PREX2: variants seen among roughly 807,000 people sequenced by gnomAD.
The protein encoded by PREX2 is phosphatidylinositol-3,4,5-trisphosphate dependent Rac exchange factor 2, also known as phosphatidylinositol 3,4,5-trisphosphate-dependent Rac exchanger 2 protein.
In PREX2, 107 loss-of-function variants were observed where a neutral mutation model predicts 203.2. The ratio of observed to expected loss-of-function variants is 0.53; its 90% CI spans 0.45 to 0.62. The LOEUF is 0.62. Among genes scored for constraint, PREX2 ranks in the 20% least tolerant of loss-of-function variants. PREX2 has a pLI of 0.00. For synonymous variants in PREX2, 672 were observed against 663.6 expected, an observed-to-expected ratio of 1.01 and a Z score of -0.19; for missense variants, 1,777 against 1,955.9, an observed-to-expected ratio of 0.91 and a Z score of 1.72.
intron 14 of PREX2, among the ~76,000 whole-genome samples, chr8:68,074,167 G>A (rs534333597): frequency 6.6e-6 from 1 of 152,180 alleles, no homozygotes; most frequent in Admixed American, 6.5e-5. Flanking sequence ...GGGTTTCACT[G>A]TGTTGGCCAG....
intron 25 of PREX2, among the ~76,000 whole-genome samples, chr8:68,110,336 G>A (rs1810512126): frequency 6.6e-6 from 1 of 152,186 alleles, no homozygotes; most frequent in South Asian, 2.1e-4. Flanking sequence ...ACAGCATGGG[G>A]TTTGAGGTAG....
At chr8:68,013,290 C>T (rs1807318533) in intron 1 of PREX2, among the ~76,000 whole-genome samples, 1 of 152,154 alleles carries the variant, frequency 6.6e-6, no homozygotes, top group Non-Finnish European at 1.5e-5. Context: ...TGGGGCTGGT[C>T]ATTTTTTCTC....
intron 1 of PREX2, among the ~76,000 whole-genome samples, chr8:68,008,871 T>G (rs532175201): frequency 6.6e-6 from 1 of 152,326 alleles, no homozygotes; most frequent in Admixed American, 6.5e-5. Flanking sequence ...CCTCCCCAGC[T>G]GTGTGGAACT....
intron 35 of PREX2, among the ~76,000 whole-genome samples, chr8:68,180,644 C>T (rs1201545967): frequency 1.3e-5 from 2 of 152,040 alleles, no homozygotes; most frequent in Non-Finnish European, 2.9e-5. Flanking sequence ...TGAGCACCAA[C>T]AAGGTGCCAG....
Position 68,017,924 on chromosome 8 carries a change from A to G in PREX2, c.213+7A>G. The G allele has an allele frequency of 1.2e-6, 2 of 1,607,918 alleles. No homozygotes were observed. Among genetic ancestry groups the G allele is most frequent in the Non-Finnish European group, 1.7e-6 (2 of 1,175,998 alleles). On this transcript the variant is annotated splice_region_variant and intron_variant, in intron 2 of 39. Coordinates refer to ENST00000288368, the MANE Select transcript of PREX2 (RefSeq NM_024870.4). Reference sequence around the variant, plus strand: ...GACAGAAGAAACAGTGAAGGTGAGGAGGTACAACTGGCCTTCAACCTGAGC... The same window carrying G: ...GACAGAAGAAACAGTGAAGGTGAGGGGGTACAACTGGCCTTCAACCTGAGC...
At chr8:68,157,280 G>C in intron 34 of PREX2, 42 bp from the exon 35 acceptor site, 2 of 1,069,642 alleles carry the variant, frequency 1.9e-6, no homozygotes, top group Non-Finnish European at 1.4e-6. Flanking sequence ...GAGAAATTGA[G>C]TTATAAAGTT....
intron 15 of PREX2, among the ~76,000 whole-genome samples, chr8:68,079,395 T>C (rs1016471569): frequency 1.3e-5 from 2 of 152,216 alleles, no homozygotes; most frequent in Non-Finnish European, 2.9e-5. Flanking sequence ...CCAAGTTATT[T>C]ATATTTATTA....
In PREX2 at chr8:68,119,496, T is replaced by A. The variant is rs759361125; in HGVS notation, c.3486T>A (p.Leu1162=). 1.4e-5 allele frequency: 22 copies of A among 1,613,446 alleles called. No homozygotes were observed. In the Admixed American group the frequency reaches 2.2e-4, roughly 16 times the overall value. The change falls in exon 28 of 40, where the codon CTT becomes CTA. Residue 1162 remains leucine (L), a synonymous_variant. Transcript: ENST00000288368. ...HDKQDKIHSC[L]EHLFSQVDSI... ...AACAGGACAAGATACATAGTTGCCT[T>A]GAGCATCTTTTCAGCCAGGTACAAT...
chr8:68,223,884 C>G (rs541399363), intron 38 of PREX2, among the ~76,000 whole-genome samples: 1 of 152,052 alleles, frequency 6.6e-6, no homozygotes, highest in Admixed American at 6.5e-5. Context: ...TAATGATTCA[C>G]GTAAGAGAAA....
intron 1 of PREX2, among the ~76,000 whole-genome samples, chr8:68,000,559 A>T (rs759921396): frequency 2.0e-5 from 3 of 152,218 alleles, no homozygotes; most frequent in Non-Finnish European, 2.9e-5. Context: ...TTCCTTTTAA[A>T]CTACCAATGA....
intron 37 of PREX2, among the ~76,000 whole-genome samples, chr8:68,198,944 A>C (rs1055311852): frequency 6.6e-6 from 1 of 152,218 alleles, no homozygotes; most frequent in African/African-American, 2.4e-5. Flanking sequence ...CATGCTCTGA[A>C]TAGTGTGTGA....
At chr8:68,138,643 G>C (rs1004841059) in intron 33 of PREX2, 126 bp downstream of exon 33, 2 of 493,118 alleles carry the variant, frequency 4.1e-6, no homozygotes, top group African/African-American at 4.0e-5. Flanking sequence ...TTTTGATTTA[G>C]AAATTTTCCA....
chr8:68,009,264 C>G (rs780641830), intron 1 of PREX2, among the ~76,000 whole-genome samples: 1 of 152,158 alleles, frequency 6.6e-6, no homozygotes, highest in Non-Finnish European at 1.5e-5. Flanking sequence ...ACTTTAAATT[C>G]GGGAAATGAC....
At chr8:68,008,628 A>C (rs900479166) in intron 1 of PREX2, among the ~76,000 whole-genome samples, 1 of 152,168 alleles carries the variant, frequency 6.6e-6, no homozygotes, top group Non-Finnish European at 1.5e-5. Context: ...GTCCCCACCC[A>C]AACCTCATCT....
intron 1 of PREX2, among the ~76,000 whole-genome samples, chr8:68,002,105 G>T (rs1233228702): frequency 6.7e-5 from 10 of 149,112 alleles, no homozygotes; most frequent in Non-Finnish European, 1.5e-4. Context: ...AAAAGAAAGT[G>T]CATGGAGAAG....
At chr8:68,086,049 C>T (rs907766800) in intron 18 of PREX2, among the ~76,000 whole-genome samples, 1 of 152,022 alleles carries the variant, frequency 6.6e-6, no homozygotes, top group African/African-American at 2.4e-5. Context: ...CTTTCATTTT[C>T]AAGTGAAACT....
chr8:68,098,938 G>GTATATATATATATATATATA (rs71253061), intron 22 of PREX2, among the ~76,000 whole-genome samples: 4 of 109,820 alleles, frequency 3.6e-5, no homozygotes, highest in East Asian at 2.7e-4. Context: ...ATATATATGT[G>GTATATATATATATATATATA]TATATATATA....
chr8:68,050,074 A>G (rs548031091), intron 8 of PREX2, among the ~76,000 whole-genome samples: 11 of 152,130 alleles, frequency 7.2e-5, no homozygotes, highest in South Asian at 2.1e-4. Flanking sequence ...ATATATATAT[A>G]TGTTTATAAT....
At chr8:68,228,944 TAA>T (rs58993264) in intron 39 of PREX2, among the ~76,000 whole-genome samples, 14 of 103,524 alleles carry the variant, frequency 1.4e-4, no homozygotes, top group South Asian at 3.6e-4. Flanking sequence ...CTTGTCTCTT[TAA>T]AAAAAAAAAA....
Sources: allele counts gnomAD v4.1 joint callset (sites outside exome capture counted in the v4.1 genomes callset), GRCh38; gene constraint gnomAD v4.1.1; transcripts MANE v1.5; gene names NCBI Gene and HGNC (gene_info 2026-07-23, HGNC 2026-07-21).